The following STK39 variants were observed in gnomAD, a reference collection of about 807,000 sequenced individuals.
The protein encoded by STK39 is STE20/SPS1-related proline-alanine-rich protein kinase.
In STK39, 20 loss-of-function variants were observed where a neutral mutation model predicts 77.8. That is an observed-to-expected ratio of 0.26 (90% CI 0.18 to 0.37). The LOEUF (loss-of-function observed/expected upper bound fraction) is 0.37. Ranked by LOEUF, STK39 falls within the 10% of genes least tolerant of loss-of-function variation. The probability of loss-of-function intolerance (pLI) is 1.00; values close to 1 mark genes in which losing one functional copy is unlikely to be tolerated. For missense variants in STK39, 479 were observed against 656.5 expected, an observed-to-expected ratio of 0.73 and a Z score of 2.95; for synonymous variants, 246 against 234.1, an observed-to-expected ratio of 1.05 and a Z score of -0.47.
At chr2:168,038,042 C>T (rs556677404) in intron 14 of STK39, among the ~76,000 whole-genome samples, 2 of 152,222 alleles carry the variant, frequency 1.3e-5, no homozygotes, top group East Asian at 3.9e-4. Context: ...GACAAACAAA[C>T]ACACAGAGTG....
intron 12 of STK39, among the ~76,000 whole-genome samples, chr2:168,069,552 C>A (rs1462425469): frequency 6.6e-6 from 1 of 152,158 alleles, no homozygotes; most frequent in Admixed American, 6.5e-5. Flanking sequence ...GAAACATTTT[C>A]TTTTTCCTTA....
At chr2:167,958,246 T>C (rs1007494196) in intron 17 of STK39, among the ~76,000 whole-genome samples, 1 of 152,202 alleles carries the variant, frequency 6.6e-6, no homozygotes, top group Non-Finnish European at 1.5e-5. Context: ...AAATTAAAGC[T>C]GAGAGATTTA....
intron 14 of STK39, among the ~76,000 whole-genome samples, chr2:168,048,655 A>G (rs188694091): frequency 3.2e-4 from 49 of 152,252 alleles, no homozygotes; most frequent in African/African-American, 1.1e-3. Context: ...CTGCTAGAAA[A>G]CACTAACCGA....
At chr2:168,058,703 T>C (rs1685587467) in intron 14 of STK39, among the ~76,000 whole-genome samples, 1 of 152,240 alleles carries the variant, frequency 6.6e-6, no homozygotes, top group South Asian at 2.1e-4. Context: ...AATCAAGTTC[T>C]TTCTCCCCAA....
chr2:168,184,019 T>C (rs557114532), intron 1 of STK39, among the ~76,000 whole-genome samples: 20 of 152,304 alleles, frequency 1.3e-4, no homozygotes, highest in Admixed American at 1.0e-3. Context: ...GAAACCATCC[T>C]CAGCTCTACC....
intron 1 of STK39, among the ~76,000 whole-genome samples, chr2:168,213,973 T>C (rs1689959776): frequency 6.6e-6 from 1 of 152,206 alleles, no homozygotes; most frequent in Admixed American, 6.5e-5. Flanking sequence ...TATAGCCACT[T>C]TTTATCAACC....
intron 1 of STK39, among the ~76,000 whole-genome samples, chr2:168,222,457 A>G (rs1690197428): frequency 6.6e-6 from 1 of 152,328 alleles, no homozygotes; most frequent in South Asian, 2.1e-4. Flanking sequence ...TCATCTCCTC[A>G]TATCTTCTGA....
At chr2:168,246,756 A>G (rs1006106435) in intron 1 of STK39, among the ~76,000 whole-genome samples, 3 of 152,154 alleles carry the variant, frequency 2.0e-5, no homozygotes, top group African/African-American at 7.2e-5. Context: ...CGGGAGGCAG[A>G]GGAGCGGCTG....
chr2:168,068,739 A>G (rs1019812609), intron 12 of STK39, among the ~76,000 whole-genome samples: 7 of 152,216 alleles, frequency 4.6e-5, no homozygotes, highest in African/African-American at 1.7e-4. Flanking sequence ...GTCACCTGCA[A>G]TAACAACACC....
intron 10 of STK39, among the ~76,000 whole-genome samples, chr2:168,085,460 C>T (rs192528274): frequency 5.4e-4 from 82 of 152,300 alleles, no homozygotes; most frequent in African/African-American, 1.9e-3. Context: ...AGATATTTGT[C>T]TCTTTAGTTC....
At chr2:168,056,033 CAT>C (rs1261609819) in intron 14 of STK39, among the ~76,000 whole-genome samples, 1 of 152,022 alleles carries the variant, frequency 6.6e-6, no homozygotes, top group East Asian at 1.9e-4. Flanking sequence ...TTGCAAAAAA[CAT>C]AAAAGAAAAA....
At chr2:168,150,376 C>T (rs1051039786) in intron 5 of STK39, among the ~76,000 whole-genome samples, 3 of 152,190 alleles carry the variant, frequency 2.0e-5, no homozygotes, top group African/African-American at 4.8e-5. Context: ...CGATTCTCAA[C>T]TATGTCTCAT....
chr2:167,993,260 A>T (rs1038692259), intron 16 of STK39, among the ~76,000 whole-genome samples: 10 of 152,178 alleles, frequency 6.6e-5, no homozygotes, highest in Non-Finnish European at 1.0e-4. Context: ...CTTCCACCCC[A>T]ATGTGCCTGT....
intron 8 of STK39, among the ~76,000 whole-genome samples, chr2:168,131,951 T>C (rs995755910): frequency 6.6e-6 from 1 of 152,184 alleles, no homozygotes; most frequent in Non-Finnish European, 1.5e-5. Context: ...AGGCATACTA[T>C]AATGAAGATG....
rs769776880 is a variant in STK39 at position 168,017,049 on chromosome 2, C to T, written c.1423G>A (p.Gly475Arg). The T allele has an allele frequency of 6.2e-7, 1 of 1,605,112 alleles. No homozygotes were observed. The highest frequency in any genetic ancestry group is 1.7e-5 in the Admixed American group (1 of 58,792). The change falls in exon 15 of 18, where the codon GGA becomes AGA. Residue 475 changes from glycine to arginine, a missense_variant. Gly to Arg is a moderately radical substitution (Grantham distance 125, BLOSUM62 -2). This residue lies in a region of STK39 where 244 missense variants were observed against 296.8 expected (regional missense o/e 0.82). Transcript: ENST00000355999. ...AACTTCAATTAAAACTTACCTCTTC[C>T]TGGAGTAAACTCAAATCGTATGTCA... ...LNDIRFEFTPGRDTADGVSQE... is the reference protein window; with the variant it reads ...LNDIRFEFTPRRDTADGVSQE...
At chr2:168,190,557 A>G (rs1689314452) in intron 1 of STK39, among the ~76,000 whole-genome samples, 1 of 152,232 alleles carries the variant, frequency 6.6e-6, no homozygotes, top group Non-Finnish European at 1.5e-5. Flanking sequence ...CTCAGCATGT[A>G]GGGCCACACG....
intron 1 of STK39, among the ~76,000 whole-genome samples, chr2:168,195,432 A>G (rs1689443879): frequency 6.6e-6 from 1 of 152,136 alleles, no homozygotes; most frequent in South Asian, 2.1e-4. Flanking sequence ...GTTACCTACC[A>G]TTGATTTGCC....
At chr2:167,962,595 G>A (rs11673720) in intron 17 of STK39, among the ~76,000 whole-genome samples, 67,230 of 152,024 alleles carry the variant, frequency 0.44, 15,350 homozygotes, top group Admixed American at 0.52. Context: ...AGGAAAACAC[G>A]GACTTGTTTC....
intron 14 of STK39, among the ~76,000 whole-genome samples, chr2:168,060,574 C>A (rs910364667): frequency 1.3e-5 from 2 of 152,016 alleles, no homozygotes; most frequent in African/African-American, 4.8e-5. Context: ...TTAATGGCAA[C>A]CTAACTAGAC....
Sources: allele counts gnomAD v4.1 joint callset (sites outside exome capture counted in the v4.1 genomes callset), GRCh38; gene constraint gnomAD v4.1.1; regional missense constraint gnomAD v4.1.1; transcripts MANE v1.5; gene names NCBI Gene and HGNC (gene_info 2026-07-23, HGNC 2026-07-21).